Variants in NPLOC4 observed in about 807,000 individuals in gnomAD.
NPLOC4 encodes the protein NPL4 homolog, ubiquitin recognition factor, also known as nuclear protein localization protein 4 homolog.
In NPLOC4, 18 loss-of-function variants were observed where a neutral mutation model predicts 80.6. That is an observed-to-expected ratio of 0.22 (90% CI 0.15 to 0.33). NPLOC4 has a LOEUF of 0.33. NPLOC4 is among the 10% of genes least tolerant of loss of function. The pLI is 1.00. For synonymous variants in NPLOC4, 313 were observed against 301.5 expected, an observed-to-expected ratio of 1.04 and a Z score of -0.39; for missense variants, 540 against 786.1, an observed-to-expected ratio of 0.69 and a Z score of 3.74.
At chr17:81,588,880 A>C in intron 12 of NPLOC4, 64 bp downstream of exon 12, 1 of 1,427,406 alleles carries the variant, frequency 7.0e-7, no homozygotes. Flanking sequence ...CCAAATTAGA[A>C]AGGTCCAAGA....
At chr17:81,635,027 A>G (rs1359661419) in intron 1 of NPLOC4, among the ~76,000 whole-genome samples, 2 of 152,086 alleles carry the variant, frequency 1.3e-5, no homozygotes, top group Non-Finnish European at 2.9e-5. Context: ...CCTCATCTCT[A>G]TAAAAAAATG....
intron 8 of NPLOC4, among the ~76,000 whole-genome samples, chr17:81,600,957 G>C (rs1030799034): frequency 6.6e-6 from 1 of 152,136 alleles, no homozygotes; most frequent in South Asian, 2.1e-4. Context: ...ACTCCACAGA[G>C]AGCGATGAGC....
At chr17:81,597,417 G>A (rs554880319) in intron 9 of NPLOC4, 101 bp from the exon 10 acceptor site, 20 of 864,690 alleles carry the variant, frequency 2.3e-5, no homozygotes, top group South Asian at 1.1e-4. Flanking sequence ...TTGAGAGGCC[G>A]AGGCAGGAGA....
intron 2 of NPLOC4, among the ~76,000 whole-genome samples, chr17:81,628,463 A>C (rs752814003): frequency 2.6e-5 from 4 of 152,044 alleles, no homozygotes; most frequent in Non-Finnish European, 5.9e-5. Flanking sequence ...CAGTGAGCCG[A>C]GATCATGCCA....
intron 3 of NPLOC4, among the ~76,000 whole-genome samples, chr17:81,615,204 A>T (rs1023363865): frequency 1.4e-5 from 2 of 147,748 alleles, no homozygotes; most frequent in Non-Finnish European, 3.0e-5. Context: ...GGTTTAAGCG[A>T]TTCTCCTGCC....
chr17:81,598,764 G>C (rs529520401), intron 9 of NPLOC4, among the ~76,000 whole-genome samples: 53 of 152,210 alleles, frequency 3.5e-4, no homozygotes, highest in African/African-American at 1.3e-3. Context: ...TTCTGTCCTC[G>C]GGAAGGATCT....
At chr17:81,581,588 C>T (rs7406991) in intron 12 of NPLOC4, among the ~76,000 whole-genome samples, 1 of 151,954 alleles carries the variant, frequency 6.6e-6, no homozygotes, top group Admixed American at 6.6e-5. Context: ...CAGTCCTCCA[C>T]AGCACCAAGG....
chr17:81,636,068 G>A (rs1346682267), intron 1 of NPLOC4, among the ~76,000 whole-genome samples: 2 of 151,784 alleles, frequency 1.3e-5, no homozygotes, highest in Non-Finnish European at 2.9e-5. Flanking sequence ...CACCTCCCGC[G>A]TTCAAGCAAT....
chr17:81,588,504 G>C (rs1378338554), intron 12 of NPLOC4, among the ~76,000 whole-genome samples: 1 of 152,202 alleles, frequency 6.6e-6, no homozygotes, highest in Non-Finnish European at 1.5e-5. Flanking sequence ...TGGGACTACA[G>C]TTCATGCCAC....
chr17:81,579,309 C>T (rs1267828471), intron 12 of NPLOC4, among the ~76,000 whole-genome samples: 3 of 152,142 alleles, frequency 2.0e-5, no homozygotes, highest in African/African-American at 7.2e-5. Context: ...ACCAGGGAGG[C>T]GGAGATTGCA....
chr17:81,599,838 A>T (rs1418725917), intron 9 of NPLOC4, among the ~76,000 whole-genome samples: 1 of 152,248 alleles, frequency 6.6e-6, no homozygotes, highest in Non-Finnish European at 1.5e-5. Context: ...GAGCTAAATT[A>T]TAAACAGGAA....
intron 13 of NPLOC4, among the ~76,000 whole-genome samples, chr17:81,571,276 G>A (rs62073404): frequency 0.083 from 12,619 of 152,216 alleles, 594 homozygotes; most frequent in Middle Eastern, 0.17. Context: ...GCCGCCTCCC[G>A]TCCGCTTTGG....
intron 1 of NPLOC4, among the ~76,000 whole-genome samples, chr17:81,631,088 G>A (rs1311587994): frequency 2.6e-5 from 4 of 151,548 alleles, no homozygotes; most frequent in East Asian, 1.9e-4. Context: ...CAGGAGAATC[G>A]CTTGAACCCA....
chr17:81,577,175 G>A lies in NPLOC4; in HGVS notation c.1282-5087C>T, dbSNP rs916914684. ...TCCACAGCTGGCTCCTTGAAGGAAC[G>A]CTGTTCCCTTGCTGCTCCTATGTCC... On this transcript the variant is annotated intron_variant, in intron 12 of 16. Transcript: ENST00000331134. The surrounding 1 kb of genome is among the most constrained non-coding windows in gnomAD (Gnocchi z 4.3). Among the ~76,000 whole-genome samples the A allele has an allele frequency of 2.0e-5, 3 of 152,028 alleles. No homozygotes were observed. Among genetic ancestry groups the A allele is most frequent in the African/African-American group, 4.8e-5 (2 of 41,372 alleles).
rs564421652 is a variant in NPLOC4, at chr17:81,592,947, C to A, written c.1120+3169G>T. 5.9e-5 allele frequency among the ~76,000 whole-genome samples: 9 copies of A among 152,212 alleles called. No homozygotes were observed. The South Asian group carries it at 1.9e-3, about 32-fold the overall frequency. ...GCAGTGAGCCAAGATTGTGCCATGG[C>A]ACTCCAGCCTGGGTGACAGAACAAG... On this transcript the variant is annotated intron_variant, in intron 11 of 16. Transcript: ENST00000331134.
chr17:81,635,833 A>T (rs1568174431), intron 1 of NPLOC4, among the ~76,000 whole-genome samples: 1 of 152,102 alleles, frequency 6.6e-6, no homozygotes, highest in Non-Finnish European at 1.5e-5. Flanking sequence ...CTTAATATTA[A>T]CCAAAATGCT....
intron 2 of NPLOC4, among the ~76,000 whole-genome samples, chr17:81,627,006 C>G (rs1311691766): frequency 6.6e-6 from 1 of 151,498 alleles, no homozygotes; most frequent in Non-Finnish European, 1.5e-5. Context: ...AACAGAATCA[C>G]TTGAACCCGG....
chr17:81,575,161 G>A (rs1446227752), intron 12 of NPLOC4, among the ~76,000 whole-genome samples: 3 of 152,090 alleles, frequency 2.0e-5, no homozygotes, highest in East Asian at 1.9e-4. Flanking sequence ...GTGCAGTGGC[G>A]CGGTCTCGGC....
At chr17:81,600,520 G>A in intron 8 of NPLOC4, 93 bp from the exon 9 acceptor site, 2 of 894,992 alleles carry the variant, frequency 2.2e-6, no homozygotes, top group South Asian at 2.8e-5. Context: ...AGGTCACAAG[G>A]AGTGCTGGGG....
Sources: allele counts gnomAD v4.1 joint callset (sites outside exome capture counted in the v4.1 genomes callset), GRCh38; gene constraint gnomAD v4.1.1; non-coding constraint Gnocchi (gnomAD v3.1); transcripts MANE v1.5; gene names NCBI Gene and HGNC (gene_info 2026-07-23, HGNC 2026-07-21).